ADRA1A: variants seen among roughly 807,000 people sequenced by gnomAD.
ADRA1A encodes the protein alpha-1A adrenergic receptor.
Under a neutral mutation model 29.6 loss-of-function variants are expected in ADRA1A, and 31 were observed. That is an observed-to-expected ratio of 1.05 (90% CI 0.79 to 1.41). ADRA1A has a LOEUF of 1.41. Ranked by LOEUF, ADRA1A falls within the 40% of genes most tolerant of loss-of-function variation. ADRA1A has a pLI of 0.00. For missense variants in ADRA1A, 619 were observed against 601.1 expected (o/e 1.03, Z -0.31); for synonymous variants, 311 against 254.3 (o/e 1.22, Z -2.12).
Position 26,821,115 on chromosome 8 carries a change from C to T in ADRA1A, c.883+42972G>A, listed in dbSNP as rs970132423. Among the ~76,000 whole-genome samples the T allele has an allele frequency of 8.5e-5, 13 of 152,146 alleles. No individual in the cohort carries two copies. The highest frequency in any genetic ancestry group is 1.8e-4 in the Non-Finnish European group (12 of 68,038). ...CATGTTAGCCAGGTGGTCTCAAACT[C>T]CTGACCTCAGGTGATCCACCCACCT... On this transcript the variant is annotated intron_variant, in intron 2 of 2. Coordinates refer to ENST00000380573, the MANE Select transcript of ADRA1A (RefSeq NM_000680.4). This position sits in a 1 kb window ranked among gnomAD's most constrained non-coding sequence, Gnocchi z 5.6.
At chr8:26,784,878 G>T (rs571998379) in intron 2 of ADRA1A, among the ~76,000 whole-genome samples, 88 of 152,300 alleles carry the variant, frequency 5.8e-4, no homozygotes, top group African/African-American at 2.0e-3. Flanking sequence ...GATTTGGGCT[G>T]CCCTGGAACT....
intron 2 of ADRA1A, among the ~76,000 whole-genome samples, chr8:26,859,606 A>G (rs563097): frequency 0.14 from 21,328 of 152,058 alleles, 1,540 homozygotes; most frequent in Admixed American, 0.22. Context: ...GGTGCTTATT[A>G]CATAGCCAGT....
downstream of ADRA1A, chr8:26,766,033 T>A: frequency 6.2e-7 from 1 of 1,613,166 alleles, no homozygotes; most frequent in Non-Finnish European, 8.5e-7. Flanking sequence ...ACTGCCTAGG[T>A]CTCCAGCTAC....
At position 26,787,441 on chromosome 8, in the gene ADRA1A, C is replaced by A. The variant is rs1463055947; in HGVS notation, c.884-16775G>T. ...TATATTCTGTCTGAAAAGACTTTGA[C>A]AAAATGCAACTAATAAAGTACGCCT... On this transcript the variant is annotated intron_variant, in intron 2 of 2. Coordinates refer to ENST00000380573, the MANE Select transcript of ADRA1A (RefSeq NM_000680.4). This position sits in a 1 kb window ranked among gnomAD's most constrained non-coding sequence, Gnocchi z 4.2. 6.6e-6 allele frequency among the ~76,000 whole-genome samples: 1 copy of A among 152,012 alleles called. No individual in the cohort carries two copies. The highest frequency in any genetic ancestry group is 1.9e-4 in the East Asian group (1 of 5,184).
In ADRA1A at chr8:26,860,182, A is replaced by G. The variant is rs979160307; in HGVS notation, c.883+3905T>C. On this transcript the variant is annotated intron_variant, in intron 2 of 2. Coordinates refer to ENST00000380573, the MANE Select transcript of ADRA1A (RefSeq NM_000680.4). This position sits in a 1 kb window ranked among gnomAD's most constrained non-coding sequence, Gnocchi z 4.7. ...CTGACTCCCTGGGAGAGCAAATCCA[A>G]GAGCGGGCTATGACTAGTCAGAGCA... Among the ~76,000 whole-genome samples, 1 of 152,074 alleles carries G rather than the reference A, an allele frequency of 6.6e-6. No homozygotes were observed. Among genetic ancestry groups the G allele is most frequent in the African/African-American group, 2.4e-5 (1 of 41,400 alleles).
intron 2 of ADRA1A, among the ~76,000 whole-genome samples, chr8:26,854,822 C>T (rs1812902952): frequency 6.6e-6 from 1 of 152,120 alleles, no homozygotes; most frequent in Non-Finnish European, 1.5e-5. Context: ...AATGTTTGTG[C>T]CCCACCCCCG....
chr8:26,858,596 C>G (rs1042177204), intron 2 of ADRA1A, among the ~76,000 whole-genome samples: 1 of 152,152 alleles, frequency 6.6e-6, no homozygotes, highest in African/African-American at 2.4e-5. Flanking sequence ...CTAGTGGGCT[C>G]TAGACAATGA....
At position 26,823,880 on chromosome 8, in the gene ADRA1A, A is replaced by G. The variant is rs529014454; in HGVS notation, c.883+40207T>C. On this transcript the variant is annotated intron_variant, in intron 2 of 2. Transcript: ENST00000380573. The surrounding 1 kb of genome is among the most constrained non-coding windows in gnomAD (Gnocchi z 4.2). ...ATAGTAAGACAGCGGCAGAATTGGA[A>G]ATGAAATCTTCATACTCCAAGCCTT... 3.9e-5 allele frequency among the ~76,000 whole-genome samples: 6 copies of G among 152,298 alleles called. No individual in the cohort carries two copies. Among genetic ancestry groups the G allele is most frequent in the Admixed American group, 3.9e-4 (6 of 15,290 alleles).
At chr8:26,771,240 T>A (rs1323204396) in intron 2 of ADRA1A, among the ~76,000 whole-genome samples, 1 of 152,220 alleles carries the variant, frequency 6.6e-6, no homozygotes, top group Non-Finnish European at 1.5e-5. Flanking sequence ...CTAGATGATG[T>A]CTTTTGATGT....
At chr8:26,794,551 G>C (rs890847441) in intron 2 of ADRA1A, among the ~76,000 whole-genome samples, 10 of 152,044 alleles carry the variant, frequency 6.6e-5, no homozygotes, top group Non-Finnish European at 1.3e-4. Flanking sequence ...GTGTGTGACT[G>C]TGTTTTAACA....
At position 26,823,623 on chromosome 8, in the gene ADRA1A, CCTAT is replaced by C. The variant is rs1386434463; in HGVS notation, c.883+40460_883+40463del. Reference sequence around the variant, plus strand: ...GGCTATCAACATATTTGTGTCACCACCTATCTAAGTGGCACCAGGAAGCCCACCT... The same window carrying C: ...GGCTATCAACATATTTGTGTCACCACCTAAGTGGCACCAGGAAGCCCACCT... On this transcript the variant is annotated intron_variant, in intron 2 of 2. Transcript: ENST00000380573. This position sits in a 1 kb window ranked among gnomAD's most constrained non-coding sequence, Gnocchi z 4.2. Among the ~76,000 whole-genome samples, 1 of 152,270 alleles carries C rather than the reference CCTAT, an allele frequency of 6.6e-6. No homozygotes were observed. The highest frequency in any genetic ancestry group is 1.5e-5 in the Non-Finnish European group (1 of 68,024).
At chr8:26,850,395 A>G (rs1034032660) in intron 2 of ADRA1A, among the ~76,000 whole-genome samples, 14 of 152,252 alleles carry the variant, frequency 9.2e-5, no homozygotes, top group Admixed American at 7.2e-4. Flanking sequence ...AACAAAAAAG[A>G]AAAACAAAAC....
At chr8:26,800,049 A>G (rs1262291876) in intron 2 of ADRA1A, among the ~76,000 whole-genome samples, 11 of 152,196 alleles carry the variant, frequency 7.2e-5, no homozygotes, top group Non-Finnish European at 1.5e-5. Context: ...ACTTGAGGTC[A>G]GGAGTTTGAG....
In ADRA1A at chr8:26,848,659, TA is replaced by T. The variant is rs1812394172; in HGVS notation, c.883+15427del. Among the ~76,000 whole-genome samples, 1 of 152,182 alleles carries T rather than the reference TA, an allele frequency of 6.6e-6. No individual in the cohort carries two copies. Among genetic ancestry groups the T allele is most frequent in the Non-Finnish European group, 1.5e-5 (1 of 68,032 alleles). On this transcript the variant is annotated intron_variant, in intron 2 of 2. Coordinates refer to ENST00000380573, the MANE Select transcript of ADRA1A (RefSeq NM_000680.4). The surrounding 1 kb of genome is among the most constrained non-coding windows in gnomAD (Gnocchi z 4.3). The stretch of plus-strand genomic sequence containing the variant: ...TTATGGCAGCCTGAGCTGACAAGTC[TA>T]CCGCTTGACATCACACACATCCTCA...
At chr8:26,780,107 C>G (rs1295584149) in intron 2 of ADRA1A, among the ~76,000 whole-genome samples, 2 of 152,164 alleles carry the variant, frequency 1.3e-5, no homozygotes, top group African/African-American at 4.8e-5. Flanking sequence ...GCTCCTCACT[C>G]TGTCATTCAA....
chr8:26,831,056 A>G lies in ADRA1A; in HGVS notation c.883+33031T>C, dbSNP rs1810944713. Among the ~76,000 whole-genome samples, 1 of 152,164 alleles carries G rather than the reference A, an allele frequency of 6.6e-6. No homozygotes were observed. The highest frequency in any genetic ancestry group is 2.1e-4 in the South Asian group (1 of 4,818). ...GGACTGAGGTCTTTTATAGTTAAAG[A>G]AATATACTTAGGAGATTGGCCTGGT... is the stretch of plus-strand genomic sequence containing the variant. On this transcript the variant is annotated intron_variant, in intron 2 of 2. Transcript: ENST00000380573. This position sits in a 1 kb window ranked among gnomAD's most constrained non-coding sequence, Gnocchi z 5.2.
intron 2 of ADRA1A, among the ~76,000 whole-genome samples, chr8:26,781,782 G>T (rs1371376957): frequency 3.9e-5 from 6 of 152,212 alleles, no homozygotes; most frequent in African/African-American, 1.4e-4. Context: ...CACATCTGAA[G>T]CAGTGACACA....
chr8:26,777,162 G>A (rs1263631298), intron 2 of ADRA1A, among the ~76,000 whole-genome samples: 1 of 152,208 alleles, frequency 6.6e-6, no homozygotes, highest in Non-Finnish European at 1.5e-5. Flanking sequence ...TTTATGTGGG[G>A]CCACTTGGGC....
intron 2 of ADRA1A, 69 bp from the exon 3 acceptor site, chr8:26,770,735 TCAAA>T (rs1360763369): frequency 7.3e-6 from 11 of 1,510,778 alleles, no homozygotes; most frequent in Non-Finnish European, 8.8e-6. Flanking sequence ...AGGAAAACAA[TCAAA>T]CAGACATCTT....
Sources: gnomAD v4.1 joint callset for allele counts (sites outside exome capture counted in the v4.1 genomes callset) on GRCh38, gnomAD v4.1.1 for gene constraint, Gnocchi (gnomAD v3.1) non-coding constraint, MANE v1.5 for transcripts, NCBI Gene and HGNC (gene_info 2026-07-23, HGNC 2026-07-21) for gene names.